TEX11: variants seen among roughly 807,000 people sequenced by gnomAD.
The protein encoded by TEX11 is testis expressed 11.
A neutral mutation model predicts 84.4 loss-of-function variants in TEX11; 7 were observed. The observed-to-expected ratio is 0.08, with a 90% CI of 0.05 to 0.16. TEX11 has a LOEUF of 0.16. Ranked by LOEUF, TEX11 falls within the 10% of genes least tolerant of loss-of-function variation. TEX11 has a pLI of 1.00. For missense variants in TEX11, 551 were observed against 660.5 expected (o/e 0.83, Z 1.82); for synonymous variants, 264 against 222.8 (o/e 1.18, Z -1.64).
At position 70,891,158 on chromosome X, in the gene TEX11, C is replaced by T. The variant is rs1401895493; in HGVS notation, c.38-11049G>A. ...AGGGACCTGACTGGTAGAAGGAAAA[C>T]TAGCAAACAGAAAGGAATAGCATCA... On this transcript the variant is annotated intron_variant, in intron 2 of 29. Coordinates refer to ENST00000374333, the MANE Select transcript of TEX11 (RefSeq NM_031276.3). Among the ~76,000 whole-genome samples the T allele has an allele frequency of 2.7e-5, 3 of 112,105 alleles. No individual in the cohort carries two copies. The East Asian group carries it at 8.4e-4, about 31-fold the overall frequency.
intron 20 of TEX11, among the ~76,000 whole-genome samples, chrX:70,611,216 C>T (rs2089256839): frequency 8.9e-6 from 1 of 112,214 alleles, no homozygotes; most frequent in Non-Finnish European, 1.9e-5. Context: ...TTGCCAGTTT[C>T]TCCTAACAAG....
chrX:70,768,823 C>CT (rs749182660), intron 9 of TEX11, among the ~76,000 whole-genome samples: 1 of 111,894 alleles, frequency 8.9e-6, no homozygotes, highest in East Asian at 2.8e-4. Flanking sequence ...GCACATAGAA[C>CT]ATTCTTCAGA....
intron 28 of TEX11, among the ~76,000 whole-genome samples, chrX:70,539,033 TA>T (rs1288422453): frequency 1.9e-4 from 4 of 20,756 alleles, no homozygotes; most frequent in East Asian, 4.8e-3. Flanking sequence ...TATATATATA[TA>T]TATATTTTTT....
chrX:70,778,023 CAT>C (rs1229871539), intron 9 of TEX11, among the ~76,000 whole-genome samples: 1 of 111,927 alleles, frequency 8.9e-6, no homozygotes, highest in Non-Finnish European at 1.9e-5. Context: ...TAAGGACACA[CAT>C]AGGCTGAAAG....
chrX:70,811,109 T>C (rs1278728476), intron 8 of TEX11, among the ~76,000 whole-genome samples: 3 of 111,412 alleles, frequency 2.7e-5, no homozygotes, highest in Non-Finnish European at 5.7e-5. Flanking sequence ...ATGTGCCATG[T>C]TGGTGTGCTG....
At chrX:70,694,309 C>T (rs188498333) in intron 13 of TEX11, among the ~76,000 whole-genome samples, 1 of 111,777 alleles carries the variant, frequency 8.9e-6, no homozygotes, top group Non-Finnish European at 1.9e-5. Flanking sequence ...TCCCAAAGTG[C>T]TGCTATTACA....
intron 10 of TEX11, 121 bp downstream of exon 10, chrX:70,744,044 T>C (rs910186964): frequency 8.2e-5 from 22 of 267,354 alleles, no homozygotes; most frequent in Non-Finnish European, 1.3e-4. Context: ...CACTGAGATG[T>C]TAAATGTTGT....
chrX:70,679,508 G>C (rs1307601206), intron 14 of TEX11, among the ~76,000 whole-genome samples: 1 of 102,872 alleles, frequency 9.7e-6, no homozygotes, highest in Non-Finnish European at 2.0e-5. Context: ...GCCTCTTCCC[G>C]GCCGCCATCC....
At chrX:70,727,640 C>T (rs926213648) in intron 11 of TEX11, among the ~76,000 whole-genome samples, 1 of 111,385 alleles carries the variant, frequency 9.0e-6, no homozygotes, top group African/African-American at 3.3e-5. Context: ...ATCTAATCCC[C>T]AATGTGATGG....
At chrX:70,753,348 A>G (rs1275956357) in intron 9 of TEX11, among the ~76,000 whole-genome samples, 1 of 111,400 alleles carries the variant, frequency 9.0e-6, no homozygotes, top group African/African-American at 3.3e-5. Context: ...CTTCCATTTA[A>G]GGAGAGAAAA....
chrX:70,739,283 G>A (rs1440640369), intron 11 of TEX11, among the ~76,000 whole-genome samples: 1 of 110,480 alleles, frequency 9.1e-6, no homozygotes, highest in African/African-American at 3.3e-5. Flanking sequence ...CATTCTGGTT[G>A]ATCGAGCTAT....
At chrX:70,579,530 A>AAAAAAAAAAAAAAAAAAAC (rs2088739759) in intron 25 of TEX11, among the ~76,000 whole-genome samples, 5 of 103,100 alleles carry the variant, frequency 4.8e-5, no homozygotes, top group Non-Finnish European at 9.8e-5. Context: ...AAAAAAAAAA[A>AAAAAAAAAAAAAAAAAAAC]AAAACAAAAA....
intron 8 of TEX11, among the ~76,000 whole-genome samples, chrX:70,826,655 C>T (rs1050169943): frequency 3.6e-5 from 4 of 111,695 alleles, no homozygotes; most frequent in African/African-American, 1.3e-4. Context: ...GCTGCACAGT[C>T]ACAGTAGAGA....
chrX:70,768,920 A>C (rs1034131536), intron 9 of TEX11, among the ~76,000 whole-genome samples: 25 of 112,305 alleles, frequency 2.2e-4, no homozygotes, highest in African/African-American at 6.8e-4. Context: ...CAAGAACAAA[A>C]AAGAAATGAG....
chrX:70,816,777 A>G (rs551839295), intron 8 of TEX11, among the ~76,000 whole-genome samples: 1 of 110,873 alleles, frequency 9.0e-6, no homozygotes, highest in East Asian at 2.8e-4. Context: ...TCAGAGCCCA[A>G]ATAGGGTGAG....
chrX:70,887,885 C>CAA (rs1556228027), intron 2 of TEX11, among the ~76,000 whole-genome samples: 1 of 106,485 alleles, frequency 9.4e-6, no homozygotes, highest in East Asian at 3.4e-4. Context: ...GCTTCCAGAA[C>CAA]AGAGAGGGAG....
At chrX:70,636,444 C>T (rs1255594524) in intron 17 of TEX11, among the ~76,000 whole-genome samples, 1 of 110,972 alleles carries the variant, frequency 9.0e-6, no homozygotes, top group Non-Finnish European at 1.9e-5. Flanking sequence ...TGGACTGAGG[C>T]TCTAAAACCA....
At chrX:70,644,216 A>G (rs1414817135) in intron 17 of TEX11, among the ~76,000 whole-genome samples, 2 of 102,740 alleles carry the variant, frequency 1.9e-5, no homozygotes, top group East Asian at 6.2e-4. Flanking sequence ...TCAAAACCAC[A>G]ATGAGATACC....
intron 14 of TEX11, among the ~76,000 whole-genome samples, chrX:70,681,374 C>A (rs2090146254): frequency 1.8e-5 from 2 of 112,369 alleles, no homozygotes; most frequent in Admixed American, 1.9e-4. Flanking sequence ...ATGAGTAATT[C>A]TGTGTAATCA....
Sources: allele counts gnomAD v4.1 joint callset (sites outside exome capture counted in the v4.1 genomes callset), GRCh38; gene constraint gnomAD v4.1.1; transcripts MANE v1.5; gene names NCBI Gene and HGNC (gene_info 2026-07-23, HGNC 2026-07-21).